The following CGNL1 variants were observed in gnomAD, a reference collection of about 807,000 sequenced individuals.
The protein encoded by CGNL1 is cingulin like 1, also known as cingulin-like protein 1.
Under a neutral mutation model 141.2 loss-of-function variants are expected in CGNL1, and 132 were observed. The ratio of observed to expected loss-of-function variants is 0.93; its 90% CI spans 0.81 to 1.08. CGNL1 has a LOEUF of 1.08. Among genes scored for constraint, CGNL1 ranks in the 50% least tolerant of loss-of-function variants. The pLI is 0.00. For missense variants in CGNL1, 1,870 were observed against 1,588.6 expected (o/e 1.18, Z -3.01); for synonymous variants, 690 against 622.1 (o/e 1.11, Z -1.63).
chr15:57,546,384 G>A (rs2032869315), intron 18 of CGNL1, 145 bp downstream of exon 18: 1 of 1,006,486 alleles, frequency 9.9e-7, no homozygotes, highest in Non-Finnish European at 1.4e-6. Context: ...AGATGAAGGT[G>A]GCTGTGTCCA....
intron 8 of CGNL1, among the ~76,000 whole-genome samples, chr15:57,468,820 C>T (rs1469233801): frequency 6.6e-6 from 1 of 152,082 alleles, no homozygotes; most frequent in Non-Finnish European, 1.5e-5. Context: ...GTGGTTTCCC[C>T]CATACTGTTC....
intron 1 of CGNL1, among the ~76,000 whole-genome samples, chr15:57,433,075 G>A (rs758160178): frequency 6.7e-6 from 1 of 150,252 alleles, no homozygotes; most frequent in Non-Finnish European, 1.5e-5. Context: ...TTATTGGTGA[G>A]TAGAATAACC....
At chr15:57,509,560 G>A (rs2030042217) in intron 8 of CGNL1, among the ~76,000 whole-genome samples, 2 of 152,128 alleles carry the variant, frequency 1.3e-5, no homozygotes, top group South Asian at 2.1e-4. Context: ...ATGCAAATGG[G>A]GCCATTTATG....
chr15:57,395,179 G>T (rs182402473), intron 1 of CGNL1, among the ~76,000 whole-genome samples: 24 of 152,274 alleles, frequency 1.6e-4, no homozygotes, highest in African/African-American at 5.8e-4. Context: ...AATCTGAACT[G>T]CATTAAAAGA....
At chr15:57,542,035 T>G (rs1181582879) in intron 14 of CGNL1, among the ~76,000 whole-genome samples, 3 of 152,176 alleles carry the variant, frequency 2.0e-5, no homozygotes, top group African/African-American at 4.8e-5. Context: ...CATCATGCTG[T>G]GTGACACACC....
At chr15:57,452,683 C>G (rs1398833518) in intron 6 of CGNL1, among the ~76,000 whole-genome samples, 1 of 139,706 alleles carries the variant, frequency 7.2e-6, no homozygotes, top group Admixed American at 7.0e-5. Flanking sequence ...ATTTTATCCT[C>G]GATGGTGCTG....
intron 1 of CGNL1, among the ~76,000 whole-genome samples, chr15:57,410,367 A>C (rs1409574739): frequency 6.6e-6 from 1 of 152,202 alleles, no homozygotes; most frequent in African/African-American, 2.4e-5. Context: ...TCCTTAGTTG[A>C]TATGGAGGAT....
chr15:57,538,479 C>T (rs567765765), intron 14 of CGNL1, among the ~76,000 whole-genome samples: 1 of 151,962 alleles, frequency 6.6e-6, no homozygotes, highest in Non-Finnish European at 1.5e-5. Context: ...TTTTTGCCCC[C>T]CTTTGGAGAG....
At chr15:57,441,056 G>A (rs1367188091) in intron 3 of CGNL1, among the ~76,000 whole-genome samples, 1 of 116,570 alleles carries the variant, frequency 8.6e-6, no homozygotes, top group Non-Finnish European at 1.8e-5. Flanking sequence ...CTCAACAGAT[G>A]TGATTAAGAG....
chr15:57,477,492 A>G (rs2063671885), intron 8 of CGNL1: 1 of 152,212 alleles, frequency 6.6e-6, no homozygotes, highest in Non-Finnish European at 1.5e-5. Flanking sequence ...CTGGGGAAGT[A>G]TTTTGAGCCA....
At chr15:57,401,502 T>A (rs1442671120) in intron 1 of CGNL1, among the ~76,000 whole-genome samples, 2 of 152,220 alleles carry the variant, frequency 1.3e-5, no homozygotes, top group Admixed American at 1.3e-4. Context: ...GCCTAAGACA[T>A]TTCCTTACCA....
intron 8 of CGNL1, among the ~76,000 whole-genome samples, chr15:57,477,163 T>C (rs535596278): frequency 6.6e-6 from 1 of 152,234 alleles, no homozygotes; most frequent in African/African-American, 2.4e-5. Flanking sequence ...TCAAAGACTT[T>C]TTGAAATAAG....
intron 8 of CGNL1, among the ~76,000 whole-genome samples, chr15:57,486,180 C>A (rs752820255): frequency 2.4e-4 from 37 of 152,186 alleles, no homozygotes; most frequent in Non-Finnish European, 5.0e-4. Context: ...CCTGAAACTT[C>A]ACTTCTTTCA....
chr15:57,514,378 C>T (rs2030597871), intron 8 of CGNL1, among the ~76,000 whole-genome samples: 1 of 152,202 alleles, frequency 6.6e-6, no homozygotes, highest in African/African-American at 2.4e-5. Flanking sequence ...TCTTGAACTT[C>T]TGACCACAAG....
At chr15:57,440,203 A>G (rs538074172) in intron 2 of CGNL1, among the ~76,000 whole-genome samples, 174 bp from the exon 3 acceptor site, 14 of 152,258 alleles carry the variant, frequency 9.2e-5, no homozygotes, top group African/African-American at 2.9e-4. Flanking sequence ...ATTAACCTCA[A>G]TTTACAGGTG....
At chr15:57,516,173 A>G (rs573567881) in intron 8 of CGNL1, among the ~76,000 whole-genome samples, 3 of 150,940 alleles carry the variant, frequency 2.0e-5, no homozygotes, top group Non-Finnish European at 3.0e-5. Flanking sequence ...AAAAAAAAAA[A>G]AAAAAAAAGA....
At chr15:57,535,554 C>G (rs2032213700) in intron 14 of CGNL1, among the ~76,000 whole-genome samples, 1 of 152,094 alleles carries the variant, frequency 6.6e-6, no homozygotes, top group South Asian at 2.1e-4. Flanking sequence ...TGAACAAAGA[C>G]TGGGAGGTAG....
At chr15:57,449,568 C>G (rs191705795) in intron 4 of CGNL1, among the ~76,000 whole-genome samples, 7 of 152,328 alleles carry the variant, frequency 4.6e-5, no homozygotes, top group Admixed American at 3.3e-4. Flanking sequence ...ATCATTATCA[C>G]TCAAAGACGT....
Position 57,452,166 on chromosome 15 carries a change from G to T in CGNL1, c.1931G>T (p.Arg644Ile). The stretch of plus-strand genomic sequence containing the variant: ...AATCAACAGAACATTAAAGAAGAGA[G>T]AGAGAGGATGAGAGCAAACCTAGAA... ...VKNQQNIKEE[R>I]ERMRANLEEL... The change falls in exon 6 of 19, where the codon AGA becomes ATA. Residue 644 changes from arginine (R) to isoleucine (I), a missense_variant. Coordinates refer to ENST00000281282, the MANE Select transcript of CGNL1 (RefSeq NM_032866.5). The T allele has an allele frequency of 6.2e-7, 1 of 1,613,694 alleles. No individual in the cohort carries two copies. Among genetic ancestry groups the T allele is most frequent in the Non-Finnish European group, 8.5e-7 (1 of 1,179,840 alleles).
Sources: gnomAD v4.1 joint callset for allele counts (sites outside exome capture counted in the v4.1 genomes callset) on GRCh38, gnomAD v4.1.1 for gene constraint, MANE v1.5 for transcripts, NCBI Gene and HGNC (gene_info 2026-07-23, HGNC 2026-07-21) for gene names.